The following MAPK10 variants were observed in gnomAD, a reference collection of about 807,000 sequenced individuals.
The protein encoded by MAPK10 is JNK3 alpha protein kinase.
In MAPK10, 25 loss-of-function variants were observed where a neutral mutation model predicts 59.3. The observed-to-expected ratio is 0.42, with a 90% confidence interval of 0.31 to 0.59. The LOEUF is 0.59. MAPK10 is among the 20% of genes least tolerant of loss of function. The probability of loss-of-function intolerance (pLI) is 0.15; values close to 1 mark genes in which losing one functional copy is unlikely to be tolerated. For missense variants in MAPK10, 351 were observed against 568.9 expected (o/e 0.62, Z 3.90); for synonymous variants, 190 against 200.5 (o/e 0.95, Z 0.44).
At chr4:86,163,118 T>C (rs556413857) in intron 3 of MAPK10, among the ~76,000 whole-genome samples, 36 of 152,248 alleles carry the variant, frequency 2.4e-4, no homozygotes, top group African/African-American at 8.4e-4. Flanking sequence ...TCTCAAATAA[T>C]TGGTAAAAGT....
At chr4:86,147,277 G>A (rs1027514087) in intron 4 of MAPK10, among the ~76,000 whole-genome samples, 2 of 151,998 alleles carry the variant, frequency 1.3e-5, no homozygotes, top group South Asian at 2.1e-4. Flanking sequence ...TGGTAGAGAC[G>A]GGGTTTTGCC....
intron 1 of MAPK10, chr4:86,358,283 C>T (rs1735531101): frequency 1.0e-6 from 1 of 985,306 alleles, no homozygotes; most frequent in Non-Finnish European, 1.2e-6. Flanking sequence ...TGTTGATAAG[C>T]ATTCTGTGTT....
At chr4:86,556,400 G>C (rs1435891922) in intron 1 of MAPK10, among the ~76,000 whole-genome samples, 2 of 151,894 alleles carry the variant, frequency 1.3e-5, no homozygotes, top group African/African-American at 4.8e-5. Flanking sequence ...CAAAATTCTA[G>C]ATATCATAAT....
chr4:86,101,120 G>A lies in MAPK10; in HGVS notation c.662C>T (p.Thr221Ile). The change falls in exon 8 of 14, where the codon ACT becomes ATT. Residue 221 changes from threonine to isoleucine, a missense_variant. Physicochemically the swap from Thr to Ile is moderately conservative, Grantham distance 89 (BLOSUM62 -1). Around this residue, in one of 5 missense-constraint regions of MAPK10, gnomAD observed 76 missense variants for 197.9 expected, o/e 0.38. Coordinates refer to ENST00000641462, the MANE Select transcript of MAPK10 (RefSeq NM_138982.4). ...ARTAGTSFMM[T>I]PYVVTRYYRA... ...GTAATAACGTGTCACCACATATGGAGTCATCATGAAGCTTGTGCCTGCTGT... is the reference window on the plus strand; with the variant it reads ...GTAATAACGTGTCACCACATATGGAATCATCATGAAGCTTGTGCCTGCTGT... 6.2e-7 allele frequency: 1 copy of A among 1,613,964 alleles called. No homozygotes were observed. Among genetic ancestry groups the A allele is most frequent in the East Asian group, 2.2e-5 (1 of 44,848 alleles).
intron 1 of MAPK10, among the ~76,000 whole-genome samples, chr4:86,393,486 C>A (rs1023012873): frequency 5.3e-5 from 8 of 151,944 alleles, no homozygotes; most frequent in Middle Eastern, 3.2e-3. Flanking sequence ...TGTTTGTGAT[C>A]AAAAATAAAG....
At chr4:86,538,456 G>A (rs1758421542) in intron 1 of MAPK10, among the ~76,000 whole-genome samples, 1 of 152,120 alleles carries the variant, frequency 6.6e-6, no homozygotes, top group African/African-American at 2.4e-5. Context: ...CTGAGCCACT[G>A]CGCCCGGTCC....
At chr4:86,519,409 C>T (rs79757558) in intron 1 of MAPK10, among the ~76,000 whole-genome samples, 6,319 of 152,164 alleles carry the variant, frequency 0.042, 303 homozygotes, top group African/African-American at 0.11. Context: ...TTTTAACAGA[C>T]TTTAAGTCTG....
chr4:86,501,027 G>A (rs1307916167), intron 1 of MAPK10, among the ~76,000 whole-genome samples: 4 of 139,322 alleles, frequency 2.9e-5, no homozygotes, highest in Non-Finnish European at 6.1e-5. Context: ...GTAAAAACAT[G>A]ATACTTTGGT....
intron 4 of MAPK10, among the ~76,000 whole-genome samples, chr4:86,144,316 A>G (rs757777427): frequency 1.3e-5 from 2 of 152,156 alleles, no homozygotes; most frequent in Non-Finnish European, 2.9e-5. Context: ...ATTACTTTAT[A>G]AGACTGGAAT....
intron 1 of MAPK10, among the ~76,000 whole-genome samples, chr4:86,517,436 CG>C (rs1174154660): frequency 6.6e-6 from 1 of 151,926 alleles, no homozygotes; most frequent in Non-Finnish European, 1.5e-5. Context: ...CCACCGCGCC[CG>C]GCTAACTTTT....
intron 3 of MAPK10, among the ~76,000 whole-genome samples, chr4:86,170,658 A>T (rs1291821161): frequency 2.0e-5 from 3 of 152,124 alleles, no homozygotes; most frequent in Non-Finnish European, 4.4e-5. Flanking sequence ...AACATTAGAC[A>T]GATCAATGAG....
At chr4:86,570,706 A>G (rs1281903498) in intron 1 of MAPK10, among the ~76,000 whole-genome samples, 2 of 152,192 alleles carry the variant, frequency 1.3e-5, no homozygotes, top group Admixed American at 6.6e-5. Flanking sequence ...TATGAAAATA[A>G]TAACTTGAAG....
At chr4:86,286,468 G>A (rs2095015986) in intron 2 of MAPK10, among the ~76,000 whole-genome samples, 1 of 152,092 alleles carries the variant, frequency 6.6e-6, no homozygotes, top group Admixed American at 6.6e-5. Context: ...TCTGTGCCAG[G>A]CACTGTTCTA....
chr4:86,510,999 T>A (rs986292702), intron 1 of MAPK10, among the ~76,000 whole-genome samples: 1 of 152,132 alleles, frequency 6.6e-6, no homozygotes, highest in African/African-American at 2.4e-5. Flanking sequence ...TAACAATAAT[T>A]TATTCTGTAT....
chr4:86,284,761 G>A (rs981662200), intron 2 of MAPK10, among the ~76,000 whole-genome samples: 2 of 152,138 alleles, frequency 1.3e-5, no homozygotes, highest in African/African-American at 4.8e-5. Flanking sequence ...GCCTTTTCAT[G>A]GATATAGAAA....
intron 9 of MAPK10, chr4:86,091,418 G>A (rs1423930035): frequency 6.6e-6 from 1 of 151,334 alleles, no homozygotes; most frequent in African/African-American, 2.4e-5. Flanking sequence ...ATGTAAACAG[G>A]AACTACTGTG....
chr4:86,203,351 G>A (rs1184050068), intron 2 of MAPK10, among the ~76,000 whole-genome samples: 1 of 151,866 alleles, frequency 6.6e-6, no homozygotes, highest in African/African-American at 2.4e-5. Context: ...ATGTAACTAT[G>A]ACGTGTTTTC....
chr4:86,148,543 G>A (rs1022110651), intron 4 of MAPK10, among the ~76,000 whole-genome samples: 3 of 152,100 alleles, frequency 2.0e-5, no homozygotes, highest in African/African-American at 7.2e-5. Flanking sequence ...ATAGCCCAGC[G>A]GGGTATGATG....
chr4:86,366,330 A>T (rs924136288), intron 1 of MAPK10, among the ~76,000 whole-genome samples: 3 of 152,176 alleles, frequency 2.0e-5, no homozygotes, highest in African/African-American at 7.2e-5. Context: ...GATGTGAGTT[A>T]TATGGGTATA....
Sources: gnomAD v4.1 joint callset for allele counts (sites outside exome capture counted in the v4.1 genomes callset) on GRCh38, gnomAD v4.1.1 for gene constraint, gnomAD v4.1.1 regional missense constraint, MANE v1.5 for transcripts, NCBI Gene and HGNC (gene_info 2026-07-23, HGNC 2026-07-21) for gene names.